Variants in LOC102723971 observed in about 807,000 individuals in gnomAD.
chr9:135,616,947 G>A, the LOC102723971 span: 13 of 398,506 alleles, frequency 3.3e-5, no homozygotes, highest in Middle Eastern at 6.2e-4. Flanking sequence ...CGTCAGCACC[G>A]ACTACAGCAA....
At chr9:135,615,323 G>A in the LOC102723971 span, 1,019 of 397,736 alleles carry the variant, frequency 2.6e-3, 6 homozygotes, top group African/African-American at 0.019. Flanking sequence ...ACAGCCGGGC[G>A]CTAGCTGGCC....
chr9:135,614,411 TGAG>T, the LOC102723971 span: 1 of 348,976 alleles, frequency 2.9e-6, no homozygotes. Flanking sequence ...AGTGTCACAT[TGAG>T]GAGGTGCAGG....
the LOC102723971 span, chr9:135,615,319 G>C: frequency 2.5e-6 from 1 of 397,028 alleles, no homozygotes; most frequent in Non-Finnish European, 4.4e-6. Flanking sequence ...CCACACAGCC[G>C]GGCGCTAGCT....
the LOC102723971 span, chr9:135,617,998 C>T: frequency 1.0e-5 from 4 of 398,598 alleles, no homozygotes; most frequent in Admixed American, 4.4e-5. Flanking sequence ...ACTTGGAGTA[C>T]GTGGAGAAAT....
At chr9:135,618,136 G>T in the LOC102723971 span, 1 of 397,556 alleles carries the variant, frequency 2.5e-6, no homozygotes, top group East Asian at 3.6e-5. Flanking sequence ...ACCACTGAGG[G>T]TGTAGCCCAT....
chr9:135,619,290 C>T, the LOC102723971 span, among the ~76,000 whole-genome samples: 5 of 152,178 alleles, frequency 3.3e-5, no homozygotes, highest in Non-Finnish European at 5.9e-5. Flanking sequence ...GGGCACATGG[C>T]CCCCTGAGCT....
the LOC102723971 span, chr9:135,617,038 G>A: frequency 2.5e-6 from 1 of 398,698 alleles, no homozygotes; most frequent in Non-Finnish European, 4.4e-6. Flanking sequence ...GCTCTCCCCA[G>A]CACTGGCAGG....
the LOC102723971 span, among the ~76,000 whole-genome samples, chr9:135,617,535 G>C: frequency 1.3e-5 from 2 of 152,156 alleles, no homozygotes; most frequent in Non-Finnish European, 2.9e-5. Flanking sequence ...AGCCCAGGAT[G>C]GGGTGGGGGA....
chr9:135,614,377 A>G, the LOC102723971 span: 1 of 395,774 alleles, frequency 2.5e-6, no homozygotes, highest in Non-Finnish European at 4.4e-6. Context: ...CAGTCCCCAG[A>G]CTCAGGCCTG....
At chr9:135,617,777 G>T in the LOC102723971 span, among the ~76,000 whole-genome samples, 1 of 152,184 alleles carries the variant, frequency 6.6e-6, no homozygotes, top group Non-Finnish European at 1.5e-5. Flanking sequence ...GGTCGCAGAG[G>T]GGGTGCTGCC....
the LOC102723971 span, chr9:135,615,258 A>G: frequency 2.5e-6 from 1 of 393,030 alleles, no homozygotes; most frequent in Non-Finnish European, 4.5e-6. Context: ...ACAGCCGGGC[A>G]CTAGCCGGCC....
At chr9:135,614,320 A>G in the LOC102723971 span, 1 of 398,584 alleles carries the variant, frequency 2.5e-6, no homozygotes, top group Non-Finnish European at 4.4e-6. Flanking sequence ...TGGAAGAGGT[A>G]CCGGTACAGC....
At chr9:135,614,211 G>T in the LOC102723971 span, 12 of 398,560 alleles carry the variant, frequency 3.0e-5, no homozygotes, top group African/African-American at 1.4e-4. Context: ...GAGGGAGCTG[G>T]CTAGGGACGC....
At chr9:135,619,861 TCCC>T in the LOC102723971 span, among the ~76,000 whole-genome samples, 4 of 77,618 alleles carry the variant, frequency 5.2e-5, no homozygotes, top group Non-Finnish European at 7.6e-5. Flanking sequence ...CTCCCCCTTC[TCCC>T]CCTTCTCCCC....
chr9:135,619,659 C>T, the LOC102723971 span, among the ~76,000 whole-genome samples: 2 of 152,232 alleles, frequency 1.3e-5, no homozygotes, highest in East Asian at 3.9e-4. Flanking sequence ...GCAGGTGAGA[C>T]CAGCCAACGC....
At chr9:135,614,798 C>T in the LOC102723971 span, among the ~76,000 whole-genome samples, 12 of 152,152 alleles carry the variant, frequency 7.9e-5, no homozygotes, top group African/African-American at 2.9e-4. Flanking sequence ...CTGTGTGGCC[C>T]CTGGGGTCCT....
the LOC102723971 span, among the ~76,000 whole-genome samples, chr9:135,619,848 C>T: frequency 7.7e-6 from 1 of 129,562 alleles, no homozygotes; most frequent in Non-Finnish European, 1.7e-5. Flanking sequence ...CCAGTGAGGC[C>T]TTCTCCCCCT....
the LOC102723971 span, chr9:135,615,467 G>A: frequency 4.0e-5 from 16 of 398,724 alleles, no homozygotes; most frequent in Middle Eastern, 1.3e-3. Context: ...GACCAGGGAC[G>A]GCGGGGACGT....
the LOC102723971 span, chr9:135,615,426 A>AC: frequency 6.5e-5 from 26 of 398,470 alleles, no homozygotes; most frequent in Non-Finnish European, 1.1e-4. Context: ...TCCCCGGCCG[A>AC]CCCCCTGAGG....
Sources: gnomAD v4.1 joint callset for allele counts (sites outside exome capture counted in the v4.1 genomes callset) on GRCh38, gnomAD v4.1.1 for gene constraint, MANE v1.5 for transcripts.